TRIML1: variants seen among roughly 807,000 people sequenced by gnomAD.
TRIML1 encodes the protein probable E3 ubiquitin-protein ligase TRIML1.
TRIML1 carries 34 observed loss-of-function variants against 32.3 expected under a neutral mutation model. That is an observed-to-expected ratio of 1.05 (90% CI 0.80 to 1.40). The LOEUF is 1.40. Among genes scored for constraint, TRIML1 ranks in the 40% most tolerant of loss-of-function variants. TRIML1 has a pLI of 0.00. For missense variants in TRIML1, 595 were observed against 574.9 expected (o/e 1.03, Z -0.36); for synonymous variants, 244 against 226.6 (o/e 1.08, Z -0.69).
chr4:188,142,377 G>A lies in TRIML1; in HGVS notation c.630G>A (p.Lys210=). ...LEQEEKENMR[K]LRNNEIKLTQ... ...AGGAAGAGAAAGAGAACATGAGGAA[G>A]CTGAGGAACAATGAGATCAAACTGA... The change falls in exon 3 of 6, where the codon AAG becomes AAA. Residue 210 remains lysine (K), a synonymous_variant. Transcript: ENST00000332517. The A allele has an allele frequency of 6.2e-7, 1 of 1,613,740 alleles. No individual in the cohort carries two copies. The highest frequency in any genetic ancestry group is 2.2e-5 in the East Asian group (1 of 44,850).
downstream of TRIML1, among the ~76,000 whole-genome samples, chr4:188,150,423 C>T (rs1489860439): frequency 6.6e-6 from 1 of 152,224 alleles, no homozygotes; most frequent in African/African-American, 2.4e-5. Context: ...GCCACCGCAC[C>T]TGGGCCCCAC....
chr4:188,138,412 G>A (rs915434071), upstream of TRIML1, among the ~76,000 whole-genome samples: 2 of 152,028 alleles, frequency 1.3e-5, no homozygotes, highest in African/African-American at 2.4e-5. Flanking sequence ...GAAATATGGC[G>A]TGATGAGTTC....
chr4:188,144,161 C>T (rs200721194), intron 5 of TRIML1, 28 bp downstream of exon 5: 56 of 1,589,034 alleles, frequency 3.5e-5, no homozygotes, highest in Non-Finnish European at 4.2e-5. Context: ...GTTACCCCTC[C>T]GGGGCTCGAA....
chr4:188,144,406 G>A (rs7693265), intron 5 of TRIML1, among the ~76,000 whole-genome samples: 52,854 of 144,576 alleles, frequency 0.37, 10,239 homozygotes, highest in Middle Eastern at 0.56. Flanking sequence ...TCCGTGTCCC[G>A]GGCTGGAGCG....
At chr4:188,145,974 G>A (rs1735063695) in intron 5 of TRIML1, among the ~76,000 whole-genome samples, 1 of 152,166 alleles carries the variant, frequency 6.6e-6, no homozygotes. Context: ...TGTGATTTGT[G>A]ATTTGAACAC....
chr4:188,144,578 G>A (rs1734997154), intron 5 of TRIML1, among the ~76,000 whole-genome samples: 1 of 148,878 alleles, frequency 6.7e-6, no homozygotes, highest in South Asian at 2.2e-4. Flanking sequence ...TAGCCAGGAT[G>A]GTCTCGATCT....
upstream of TRIML1, among the ~76,000 whole-genome samples, chr4:188,139,106 C>G (rs1435251935): frequency 6.6e-6 from 1 of 152,096 alleles, no homozygotes; most frequent in East Asian, 1.9e-4. Context: ...AGATTTGGAC[C>G]AAATTTCCAA....
downstream of TRIML1, among the ~76,000 whole-genome samples, chr4:188,149,890 AC>A (rs1467707702): frequency 6.6e-6 from 1 of 151,806 alleles, no homozygotes; most frequent in Non-Finnish European, 1.5e-5. Flanking sequence ...GAAACCTCTA[AC>A]CCCTGGGTTC....
intron 2 of TRIML1, chr4:188,140,866 A>G (rs1189318182): frequency 1.1e-5 from 4 of 368,000 alleles, no homozygotes; most frequent in African/African-American, 2.1e-5. Context: ...GGCTTCCTCT[A>G]TGATGGCTCT....
chr4:188,140,563 A>T lies in TRIML1; in HGVS notation c.444A>T (p.Val148=). Residue 148 remains valine (V), a synonymous_variant, in exon 2 of 6, where the codon GTA becomes GTT. Coordinates refer to ENST00000332517, the MANE Select transcript of TRIML1 (RefSeq NM_178556.5). ...KLQEILNLLR[V]RRKEAQAVLT... Reference sequence around the variant, plus strand: ...AGGAAATCCTGAATCTTTTGCGTGTAAGGAGAAAGGAAGCTCAGGCTGTAC... The same window carrying T: ...AGGAAATCCTGAATCTTTTGCGTGTTAGGAGAAAGGAAGCTCAGGCTGTAC... The T allele has an allele frequency of 6.2e-7, 1 of 1,614,076 alleles. No individual in the cohort carries two copies.
At chr4:188,145,418 G>C (rs1735031454) in intron 5 of TRIML1, among the ~76,000 whole-genome samples, 2 of 135,444 alleles carry the variant, frequency 1.5e-5, no homozygotes, top group South Asian at 5.1e-4. Flanking sequence ...TTCCAGCCTG[G>C]GCGACAGAGC....
chr4:188,140,041 G>A (rs1426842594), intron 1 of TRIML1, 75 bp downstream of exon 1: 18 of 1,477,708 alleles, frequency 1.2e-5, no homozygotes, highest in Admixed American at 2.1e-5. Flanking sequence ...GTTTCCTAAC[G>A]TCCTCTGTGG....
At chr4:188,144,234 G>A (rs1379868378) in intron 5 of TRIML1, 101 bp downstream of exon 5, 2 of 1,077,064 alleles carry the variant, frequency 1.9e-6, no homozygotes, top group Admixed American at 2.1e-5. Flanking sequence ...GAGGCTCCTG[G>A]TTAAGGAATC....
downstream of TRIML1, among the ~76,000 whole-genome samples, chr4:188,149,317 C>A (rs1735190651): frequency 6.6e-6 from 1 of 152,064 alleles, no homozygotes; most frequent in African/African-American, 2.4e-5. Context: ...CTCAGATAAG[C>A]CATTGTCCTA....
downstream of TRIML1, among the ~76,000 whole-genome samples, chr4:188,148,901 C>CTTTTTTTT (rs34415263): frequency 3.1e-5 from 2 of 63,784 alleles, no homozygotes; most frequent in East Asian, 6.6e-4. Flanking sequence ...CGTGCCCAGG[C>CTTTTTTTT]TTTTTTTTTT....
At chr4:188,146,347 T>C (rs1189352187) in intron 5 of TRIML1, among the ~76,000 whole-genome samples, 2 of 152,176 alleles carry the variant, frequency 1.3e-5, no homozygotes, top group African/African-American at 2.4e-5. Context: ...CTGTCTCCAT[T>C]TAGAGCTTCA....
At chr4:188,140,659 A>G in intron 2 of TRIML1, 36 bp downstream of exon 2, 1 of 1,470,728 alleles carries the variant, frequency 6.8e-7, no homozygotes, top group East Asian at 2.3e-5. Context: ...CTTGTATATG[A>G]CCCCATAAGG....
At chr4:188,149,411 G>A (rs1735194564), downstream of TRIML1, among the ~76,000 whole-genome samples, 1 of 152,130 alleles carries the variant, frequency 6.6e-6, no homozygotes, top group African/African-American at 2.4e-5. Context: ...GTTTATCAGA[G>A]TTTTGTCTGT....
At chr4:188,150,063 C>T (rs540048687), downstream of TRIML1, among the ~76,000 whole-genome samples, 5 of 152,194 alleles carry the variant, frequency 3.3e-5, no homozygotes, top group African/African-American at 1.2e-4. Flanking sequence ...CTCAGCCTCC[C>T]AAAGTGTTGA....
Sources: allele counts gnomAD v4.1 joint callset (sites outside exome capture counted in the v4.1 genomes callset), GRCh38; gene constraint gnomAD v4.1.1; transcripts MANE v1.5; gene names NCBI Gene and HGNC (gene_info 2026-07-23, HGNC 2026-07-21).